Variants in C16orf96 observed in about 807,000 individuals in gnomAD.
C16orf96 encodes the protein chromosome 16 open reading frame 96.
C16orf96 carries 108 observed loss-of-function variants against 103.6 expected under a neutral mutation model. The ratio of observed to expected loss-of-function variants is 1.04; its 90% CI spans 0.89 to 1.22. C16orf96 has a LOEUF of 1.22. Among genes scored for constraint, C16orf96 ranks in the 50% most tolerant of loss-of-function variants. The pLI, the probability that C16orf96 is intolerant of heterozygous loss-of-function variation, is 0.00. For missense variants in C16orf96, 1,586 were observed against 1,464.2 expected (o/e 1.08, Z -1.36); for synonymous variants, 566 against 593.5 (o/e 0.95, Z 0.67).
intron 10 of C16orf96, 25 bp from the exon 11 acceptor site, chr16:4,592,280 C>T (rs942120686): frequency 3.7e-5 from 58 of 1,551,118 alleles, no homozygotes; most frequent in East Asian, 4.9e-5. Context: ...GCAGGGGCAG[C>T]GGCTGATGAT....
In C16orf96 at chr16:4,599,371, A is replaced by G. The variant is rs928786586; in HGVS notation, c.3208+7A>G. The G allele has an allele frequency of 2.6e-6, 4 of 1,550,430 alleles. No homozygotes were observed. In the African/African-American group the frequency reaches 5.5e-5, roughly 21 times the overall value. ...TTTGGCGCCATCTGCCCCCGTGAGT[A>G]CCTGGTTCCCAGCCCCAGCCCAGCT... On this transcript the variant is annotated splice_region_variant and intron_variant, in intron 15 of 15. Coordinates refer to ENST00000444310, the MANE Select transcript of C16orf96 (RefSeq NM_001145011.2).
intron 1 of C16orf96, among the ~76,000 whole-genome samples, chr16:4,567,077 T>C (rs970467491): frequency 1.3e-5 from 2 of 152,062 alleles, no homozygotes; most frequent in Non-Finnish European, 2.9e-5. Context: ...TGTTCCAGTG[T>C]CTTAAGGTGG....
rs528057468 is a variant in C16orf96 at position 4,580,725 on chromosome 16, G to A, written c.2352+600G>A. 1.2e-4 allele frequency among the ~76,000 whole-genome samples: 19 copies of A among 152,082 alleles called. 1 individual carries two copies. In the South Asian group the frequency reaches 2.3e-3, roughly 18 times the overall value. On this transcript the variant is annotated intron_variant, in intron 7 of 15. Transcript: ENST00000444310. ...GCTGGGACTGGGCGCGGTGGTTCAC[G>A]CCTATAATCCCAGCACTTTGGGAGG...
At chr16:4,578,276 G>C (rs2059538342) in intron 5 of C16orf96, among the ~76,000 whole-genome samples, 2 of 152,020 alleles carry the variant, frequency 1.3e-5, no homozygotes, top group South Asian at 4.1e-4. Context: ...CCAAGTAGCT[G>C]GGACTAGAGG....
intron 7 of C16orf96, among the ~76,000 whole-genome samples, chr16:4,585,793 G>A (rs1896912072): frequency 6.6e-6 from 1 of 152,202 alleles, no homozygotes; most frequent in Non-Finnish European, 1.5e-5. Context: ...TGGCTTTGGA[G>A]CAACTTGGAT....
At chr16:4,581,412 T>A (rs1435803589) in intron 7 of C16orf96, among the ~76,000 whole-genome samples, 1 of 150,760 alleles carries the variant, frequency 6.6e-6, no homozygotes, top group Non-Finnish European at 1.5e-5. Flanking sequence ...GGCGAGTGGA[T>A]CACGAGTTCA....
Position 4,579,971 on chromosome 16 carries a change from C to T in C16orf96, c.2242-44C>T, listed in dbSNP as rs1255331961. 3 of 1,502,750 alleles carry T rather than the reference C, an allele frequency of 2.0e-6. No homozygotes were observed. The Admixed American group carries it at 5.9e-5, about 30-fold the overall frequency. 93.1% of individuals were successfully genotyped at this position (1,502,750 alleles called of 1,614,324 possible). ...TCAGGCCCCTTCCCGGCCATGGTAA[C>T]TTCAGAAGCAGAGGCCTGGGGTGTC... On this transcript the variant is annotated intron_variant, in intron 6 of 15. Transcript: ENST00000444310.
At chr16:4,555,288 A>ACG (rs1183940111), upstream of C16orf96, among the ~76,000 whole-genome samples, 1 of 150,242 alleles carries the variant, frequency 6.7e-6, no homozygotes, top group African/African-American at 2.4e-5. Context: ...ACACACACAC[A>ACG]CACACACACA....
chr16:4,593,060 C>T lies in C16orf96; in HGVS notation c.2775-164C>T, dbSNP rs1189644028. Among the ~76,000 whole-genome samples, 2 of 152,190 alleles carry T rather than the reference C, an allele frequency of 1.3e-5. No homozygotes were observed. The highest frequency in any genetic ancestry group is 1.5e-5 in the Non-Finnish European group (1 of 68,032). ...TCCTGAGATGCCTTTCGGGGGGGCCCCTTCTACTTCTATGCTGTGGACGCT... is the reference window on the plus strand; with the variant it reads ...TCCTGAGATGCCTTTCGGGGGGGCCTCTTCTACTTCTATGCTGTGGACGCT... On this transcript the variant is annotated intron_variant, in intron 11 of 15. Transcript: ENST00000444310. This position sits in a 1 kb window ranked among gnomAD's most constrained non-coding sequence, Gnocchi z 4.2.
the C16orf96 span, among the ~76,000 whole-genome samples, chr16:4,547,672 G>GCTTGCTTCCTTCCTTC: frequency 4.4e-4 from 47 of 105,736 alleles, 1 homozygote; most frequent in African/African-American, 2.0e-3. Context: ...TTCCTTCCTT[G>GCTTGCTTCCTTCCTTC]CTTCCTTCCT....
the C16orf96 span, among the ~76,000 whole-genome samples, chr16:4,540,848 G>C: frequency 1.3e-5 from 2 of 151,564 alleles, no homozygotes; most frequent in South Asian, 4.2e-4. Context: ...GGCTCAAGCA[G>C]TCCTCCTGCC....
At chr16:4,571,481 A>G in intron 1 of C16orf96, 80 bp from the exon 2 acceptor site, 1 of 1,229,888 alleles carries the variant, frequency 8.1e-7, no homozygotes, top group Non-Finnish European at 1.1e-6. Context: ...AACAACGGCT[A>G]TCATCAGAAA....
upstream of C16orf96, among the ~76,000 whole-genome samples, chr16:4,551,741 C>T (rs1203171202): frequency 8.5e-5 from 13 of 152,240 alleles, no homozygotes; most frequent in East Asian, 1.5e-3. Flanking sequence ...CTTGAGCCAC[C>T]GCGCCTGGCC....
At chr16:4,584,944 TACAGGC>T (rs1896885498) in intron 7 of C16orf96, among the ~76,000 whole-genome samples, 1 of 152,184 alleles carries the variant, frequency 6.6e-6, no homozygotes, top group Non-Finnish European at 1.5e-5. Context: ...GTGCTGGGAT[TACAGGC>T]ATTAGCCACT....
At chr16:4,549,381 G>A in the C16orf96 span, among the ~76,000 whole-genome samples, 3 of 151,312 alleles carry the variant, frequency 2.0e-5, no homozygotes, top group African/African-American at 4.9e-5. Context: ...GCTGAGGCAG[G>A]AGAATGGCGT....
In C16orf96 at chr16:4,593,116, G is replaced by T; in HGVS notation, c.2775-108G>T. ...CATTCGAGGGTGGTGACCTGAGTCT[G>T]CACCTCCTTCCTCCTGCTGGGAAGG... On this transcript the variant is annotated intron_variant, in intron 11 of 15. Transcript: ENST00000444310. This position sits in a 1 kb window ranked among gnomAD's most constrained non-coding sequence, Gnocchi z 4.2. The T allele has an allele frequency of 9.3e-7, 1 of 1,079,564 alleles. No individual in the cohort carries two copies. The highest frequency in any genetic ancestry group is 1.4e-6 in the Non-Finnish European group (1 of 729,578). 66.9% of individuals were successfully genotyped at this position (1,079,564 alleles called of 1,614,324 possible).
chr16:4,554,931 C>A (rs555109480), upstream of C16orf96, among the ~76,000 whole-genome samples: 3 of 151,984 alleles, frequency 2.0e-5, no homozygotes, highest in East Asian at 5.9e-4. Flanking sequence ...GCCCAGCCGA[C>A]AATGCCCTTC....
intron 1 of C16orf96, among the ~76,000 whole-genome samples, chr16:4,563,689 T>C (rs1169375949): frequency 6.6e-6 from 1 of 151,934 alleles, no homozygotes; most frequent in Non-Finnish European, 1.5e-5. Flanking sequence ...CTGCTTCAGC[T>C]TCCTGAGTAA....
chr16:4,549,704 A>G, the C16orf96 span, among the ~76,000 whole-genome samples: 1 of 152,026 alleles, frequency 6.6e-6, no homozygotes, highest in Non-Finnish European at 1.5e-5. Flanking sequence ...AGGCTGAGGC[A>G]GGAGAATCGC....
Sources: allele counts gnomAD v4.1 joint callset (sites outside exome capture counted in the v4.1 genomes callset), GRCh38; gene constraint gnomAD v4.1.1; non-coding constraint Gnocchi (gnomAD v3.1); transcripts MANE v1.5; gene names NCBI Gene and HGNC (gene_info 2026-07-23, HGNC 2026-07-21).